Variants in CCDC3 observed in about 807,000 individuals in gnomAD.
The protein encoded by CCDC3 is coiled-coil domain-containing protein 3.
Under a neutral mutation model 21.4 loss-of-function variants are expected in CCDC3, and 24 were observed. The ratio of observed to expected loss-of-function variants is 1.12; its 90% CI spans 0.81 to 1.58. The LOEUF (loss-of-function observed/expected upper bound fraction) is 1.58, where lower values mean the gene tolerates loss of function less well. Ranked by LOEUF, CCDC3 falls within the 40% of genes most tolerant of loss-of-function variation. CCDC3 has a pLI of 0.00. For synonymous variants in CCDC3, 186 were observed against 166.0 expected, an observed-to-expected ratio of 1.12 and a Z score of -0.93; for missense variants, 425 against 360.9, an observed-to-expected ratio of 1.18 and a Z score of -1.44.
At chr10:12,984,563 A>G (rs948403913) in intron 2 of CCDC3, among the ~76,000 whole-genome samples, 4 of 152,158 alleles carry the variant, frequency 2.6e-5, no homozygotes, top group Non-Finnish European at 4.4e-5. Flanking sequence ...TTAGTTACAC[A>G]CCCATGAAAA....
intron 3 of CCDC3, among the ~76,000 whole-genome samples, chr10:13,077,536 G>C (rs1836981923): frequency 6.6e-6 from 1 of 152,174 alleles, no homozygotes; most frequent in South Asian, 2.1e-4. Flanking sequence ...AACCAAAAAA[G>C]AGCTGCATTG....
At chr10:12,970,501 T>C (rs77968614) in intron 2 of CCDC3, among the ~76,000 whole-genome samples, 4,250 of 152,326 alleles carry the variant, frequency 0.028, 127 homozygotes, top group African/African-American at 0.07. Flanking sequence ...TAGCTTGATG[T>C]AGCCATTCTA....
chr10:13,001,633 A>G lies in CCDC3; in HGVS notation c.-63T>C. On this transcript the variant is annotated 5_prime_UTR_variant, in exon 1 of 3. Coordinates refer to ENST00000378825, the MANE Select transcript of CCDC3 (RefSeq NM_031455.4). The stretch of plus-strand genomic sequence containing the variant: ...AGCCCGGGGAGCCCGCCGGCCCGGG[A>G]AGGGCAGCCCTGGGCGCTCGGCTGC... 1 of 1,051,616 alleles carries G rather than the reference A, an allele frequency of 9.5e-7. No individual in the cohort carries two copies. Among genetic ancestry groups the G allele is most frequent in the Non-Finnish European group, 1.1e-6 (1 of 869,784 alleles). 65.1% of individuals were successfully genotyped at this position (1,051,616 alleles called of 1,614,324 possible).
At chr10:13,029,409 C>G (rs1836268582) in intron 5 of CCDC3, among the ~76,000 whole-genome samples, 1 of 152,272 alleles carries the variant, frequency 6.6e-6, no homozygotes, top group African/African-American at 2.4e-5. Flanking sequence ...GCTGAAAATT[C>G]TAAAAACCGG....
intron 5 of CCDC3, among the ~76,000 whole-genome samples, chr10:13,017,538 A>G (rs1046199786): frequency 1.3e-5 from 2 of 151,390 alleles, no homozygotes; most frequent in African/African-American, 2.4e-5. Flanking sequence ...AAAAGAAAAG[A>G]AAAGAAAAGA....
chr10:12,910,295 T>C (rs1834247812), intron 2 of CCDC3, among the ~76,000 whole-genome samples: 1 of 152,192 alleles, frequency 6.6e-6, no homozygotes, highest in Non-Finnish European at 1.5e-5. Context: ...GTAGCTGTTT[T>C]CCTTTTTAAG....
chr10:12,970,512 C>T (rs1835325968), intron 2 of CCDC3, among the ~76,000 whole-genome samples: 1 of 152,170 alleles, frequency 6.6e-6, no homozygotes, highest in South Asian at 2.1e-4. Context: ...AGCCATTCTA[C>T]AACGTATACA....
chr10:13,024,936 C>A (rs1451202130), intron 5 of CCDC3, among the ~76,000 whole-genome samples: 1 of 152,220 alleles, frequency 6.6e-6, no homozygotes. Flanking sequence ...CCTTCCCATT[C>A]TTCCATATTT....
At chr10:12,959,485 A>G (rs981026906) in intron 2 of CCDC3, among the ~76,000 whole-genome samples, 6 of 152,134 alleles carry the variant, frequency 3.9e-5, no homozygotes, top group African/African-American at 1.4e-4. Context: ...TAAAAAGTTT[A>G]GAAATATACT....
intron 2 of CCDC3, among the ~76,000 whole-genome samples, chr10:12,904,467 T>TCAAAAAAAAAAAAAAA (rs1834141262): frequency 3.0e-4 from 1 of 3,340 alleles, no homozygotes; most frequent in African/African-American, 4.3e-4. Context: ...AAAGCCAGTC[T>TCAAAAAAAAAAAAAAA]TAAAAAAAAA....
intron 2 of CCDC3, among the ~76,000 whole-genome samples, chr10:12,935,382 C>T (rs888982234): frequency 6.6e-6 from 1 of 152,090 alleles, no homozygotes; most frequent in Non-Finnish European, 1.5e-5. Context: ...CTATGCCAGG[C>T]CTTGTTTTTT....
At chr10:12,932,714 G>C (rs1470160882) in intron 2 of CCDC3, among the ~76,000 whole-genome samples, 2 of 152,084 alleles carry the variant, frequency 1.3e-5, no homozygotes, top group African/African-American at 4.8e-5. Context: ...AAGCAGTTCT[G>C]ACAGAGGACA....
rs920763270 is a variant in CCDC3 at position 13,088,287 on chromosome 10, TA to T, written c.-503+10237del. 6.3e-4 allele frequency among the ~76,000 whole-genome samples: 95 copies of T among 151,638 alleles called. 1 individual carries two copies. Among genetic ancestry groups the T allele is most frequent in the East Asian group, 1.5e-3 (8 of 5,166 alleles). On this transcript the variant is annotated intron_variant, in intron 3 of 6. Coordinates refer to the CCDC3 transcript ENST00000378839. ...AATTTAGAAATAATGTTGAGAAGGA[TA>T]AAAAAAAATTAACATGCTGCTCTAA...
chr10:12,988,507 C>G (rs1230215160), intron 2 of CCDC3, among the ~76,000 whole-genome samples: 1 of 152,042 alleles, frequency 6.6e-6, no homozygotes, highest in Non-Finnish European at 1.5e-5. Flanking sequence ...CTATGCCTGG[C>G]TAATTTTTGT....
At chr10:12,930,409 T>C (rs766742132) in intron 2 of CCDC3, among the ~76,000 whole-genome samples, 21 of 152,224 alleles carry the variant, frequency 1.4e-4, no homozygotes, top group Non-Finnish European at 2.9e-4. Context: ...ATGGAAAACA[T>C]TCTTTTCCCA....
At chr10:13,022,485 T>TG (rs943643972) in intron 5 of CCDC3, among the ~76,000 whole-genome samples, 1 of 152,206 alleles carries the variant, frequency 6.6e-6, no homozygotes, top group African/African-American at 2.4e-5. Flanking sequence ...TCCTAGGACC[T>TG]GCTCAGCTAT....
At chr10:12,989,490 C>T (rs917898069) in intron 2 of CCDC3, among the ~76,000 whole-genome samples, 3 of 152,332 alleles carry the variant, frequency 2.0e-5, no homozygotes, top group Admixed American at 2.0e-4. Context: ...GGCACGATCT[C>T]AGCTCACTGC....
intron 3 of CCDC3, among the ~76,000 whole-genome samples, chr10:13,094,595 G>A (rs1277569621): frequency 1.3e-5 from 2 of 151,994 alleles, no homozygotes; most frequent in Non-Finnish European, 1.5e-5. Flanking sequence ...CCGGCACAGA[G>A]AGTTATGTCT....
intron 4 of CCDC3, among the ~76,000 whole-genome samples, chr10:13,067,174 TG>T (rs907259033): frequency 1.3e-5 from 2 of 152,170 alleles, no homozygotes; most frequent in African/African-American, 2.4e-5. Flanking sequence ...GACTGGCGAA[TG>T]GTGGGTTCCC....
Sources: allele counts gnomAD v4.1 joint callset (sites outside exome capture counted in the v4.1 genomes callset), GRCh38; gene constraint gnomAD v4.1.1; transcripts MANE v1.5; gene names NCBI Gene and HGNC (gene_info 2026-07-23, HGNC 2026-07-21).